KANSL1L: variants seen among roughly 807,000 people sequenced by gnomAD.
The protein encoded by KANSL1L is KAT8 regulatory NSL complex subunit 1-like protein.
A neutral mutation model predicts 108.6 loss-of-function variants in KANSL1L; 25 were observed. That is an observed-to-expected ratio of 0.23 (90% CI 0.17 to 0.32). The LOEUF (loss-of-function observed/expected upper bound fraction) is 0.32, where lower values mean the gene tolerates loss of function less well. Ranked by LOEUF, KANSL1L falls within the 10% of genes least tolerant of loss-of-function variation. The pLI, the probability that KANSL1L is intolerant of heterozygous loss-of-function variation, is 1.00. For synonymous variants in KANSL1L, 405 were observed against 395.1 expected (o/e 1.03, Z -0.30); for missense variants, 1,137 against 1,125.7 (o/e 1.01, Z -0.14).
At chr2:210,147,722 T>G (rs577008999) in intron 2 of KANSL1L, among the ~76,000 whole-genome samples, 1 of 152,260 alleles carries the variant, frequency 6.6e-6, no homozygotes, top group Admixed American at 6.5e-5. Flanking sequence ...ACCTGCAAAC[T>G]CCACATTATA....
intron 6 of KANSL1L, among the ~76,000 whole-genome samples, chr2:210,071,886 A>C (rs1559533370): frequency 6.6e-6 from 1 of 152,208 alleles, no homozygotes; most frequent in Non-Finnish European, 1.5e-5. Flanking sequence ...TTTTGGTTGC[A>C]CATGGCTGGT....
At chr2:210,159,868 T>C (rs1186708998) in intron 1 of KANSL1L, among the ~76,000 whole-genome samples, 4 of 152,040 alleles carry the variant, frequency 2.6e-5, no homozygotes, top group Non-Finnish European at 5.9e-5. Flanking sequence ...ACCCCGTCTC[T>C]ACTAAAAATA....
chr2:210,115,684 C>T (rs2094947117), intron 3 of KANSL1L, among the ~76,000 whole-genome samples: 1 of 152,196 alleles, frequency 6.6e-6, no homozygotes, highest in Non-Finnish European at 1.5e-5. Context: ...TTCATATTAA[C>T]TCCCCCTGAA....
At position 210,062,406 on chromosome 2, in the gene KANSL1L, G is replaced by A. The variant is rs144189838; in HGVS notation, c.1755+13146C>T. 2.4e-3 allele frequency among the ~76,000 whole-genome samples: 360 copies of A among 152,284 alleles called. 11 individuals carry two copies. The highest frequency in any genetic ancestry group is 0.022 in the Admixed American group (330 of 15,294). ...GAAAACGGATTAATACAGTAAATTGGTATCAATAGAGTAGAGCGCTGCTTA... is the reference window on the plus strand; with the variant it reads ...GAAAACGGATTAATACAGTAAATTGATATCAATAGAGTAGAGCGCTGCTTA... On this transcript the variant is annotated intron_variant, in intron 6 of 14. Coordinates refer to ENST00000281772, the MANE Select transcript of KANSL1L (RefSeq NM_152519.4).
rs201870587 is a variant in KANSL1L at position 210,054,499 on chromosome 2, C to CA, written c.1756-10396dup. On this transcript the variant is annotated intron_variant, in intron 6 of 14. Transcript: ENST00000281772. ...TTCAATTCTATTGAGGGCAATTTGG[C>CA]AAAAAAAATTAAAATTTATAAATGT... Among the ~76,000 whole-genome samples the CA allele has an allele frequency of 4.1e-3, 618 of 151,424 alleles. 3 individuals carry two copies. Among genetic ancestry groups the CA allele is most frequent in the African/African-American group, 0.014 (592 of 41,244 alleles).
intron 3 of KANSL1L, among the ~76,000 whole-genome samples, chr2:210,109,492 A>G (rs1393675726): frequency 2.0e-5 from 3 of 152,306 alleles, no homozygotes; most frequent in African/African-American, 7.2e-5. Context: ...CAAGGTTACA[A>G]ATAAATATTT....
chr2:210,150,970 G>C (rs1294181191), intron 2 of KANSL1L, among the ~76,000 whole-genome samples: 1 of 151,934 alleles, frequency 6.6e-6, no homozygotes, highest in Non-Finnish European at 1.5e-5. Context: ...TCAATGAAGA[G>C]ACTACTAATG....
chr2:210,047,513 T>C (rs1346478679), intron 6 of KANSL1L, among the ~76,000 whole-genome samples: 1 of 152,264 alleles, frequency 6.6e-6, no homozygotes, highest in Non-Finnish European at 1.5e-5. Flanking sequence ...TCCAATAACA[T>C]GTTCCTCATT....
rs2093880282 is a variant in KANSL1L, at chr2:210,022,928, G to T, written c.*21C>A. 1 of 1,535,058 alleles carries T rather than the reference G, an allele frequency of 6.5e-7. No individual in the cohort carries two copies. The highest frequency in any genetic ancestry group is 2.2e-5 in the East Asian group (1 of 44,456). Reference sequence around the variant, plus strand: ...CTCCCATCTTTCCTACATTTACATAGTTTTCTTAACCTGTTCCCTGTCACC... The same window carrying T: ...CTCCCATCTTTCCTACATTTACATATTTTTCTTAACCTGTTCCCTGTCACC... On this transcript the variant is annotated 3_prime_UTR_variant, in exon 15 of 15. Transcript: ENST00000281772.
intron 3 of KANSL1L, 137 bp from the exon 4 acceptor site, chr2:210,104,438 T>G (rs886703595): frequency 1.6e-6 from 1 of 634,386 alleles, no homozygotes; most frequent in Admixed American, 2.9e-5. Flanking sequence ...AGTTTAACTC[T>G]GTAAAGAACT....
intron 4 of KANSL1L, among the ~76,000 whole-genome samples, chr2:210,103,516 A>G (rs1411940070): frequency 6.6e-6 from 1 of 152,224 alleles, no homozygotes; most frequent in East Asian, 1.9e-4. Flanking sequence ...AAGAGCCACT[A>G]AAGTCTAAAT....
intron 1 of KANSL1L, among the ~76,000 whole-genome samples, chr2:210,165,039 G>C (rs1008484999): frequency 6.6e-6 from 1 of 151,126 alleles, no homozygotes; most frequent in African/African-American, 2.4e-5. Context: ...CTAATTTTTT[G>C]TATCTTTAGT....
intron 8 of KANSL1L, among the ~76,000 whole-genome samples, chr2:210,031,928 C>T (rs549381719): frequency 1.3e-5 from 2 of 152,122 alleles, no homozygotes; most frequent in African/African-American, 2.4e-5. Context: ...CTAGACTGTG[C>T]GAGCAAGAAC....
At chr2:210,103,224 A>G (rs2094812440) in intron 4 of KANSL1L, among the ~76,000 whole-genome samples, 1 of 151,424 alleles carries the variant, frequency 6.6e-6, no homozygotes, top group African/African-American at 2.4e-5. Context: ...AGGACGAAAA[A>G]CCAAACACCG....
chr2:210,098,251 T>A, intron 4 of KANSL1L, 44 bp from the exon 5 acceptor site: 1 of 1,593,422 alleles, frequency 6.3e-7, no homozygotes, highest in East Asian at 2.3e-5. Flanking sequence ...AAGCAAGAAA[T>A]GTGAGTTAAA....
intron 6 of KANSL1L, among the ~76,000 whole-genome samples, chr2:210,053,788 AAAAC>A (rs1189531109): frequency 6.6e-6 from 1 of 152,100 alleles, no homozygotes; most frequent in Non-Finnish European, 1.5e-5. Context: ...AAAGTCATAA[AAAAC>A]AAAGGGCAAA....
At chr2:210,120,447 CAA>C (rs1229376444) in intron 3 of KANSL1L, among the ~76,000 whole-genome samples, 2 of 152,008 alleles carry the variant, frequency 1.3e-5, no homozygotes, top group African/African-American at 4.8e-5. Flanking sequence ...TAGCCATATG[CAA>C]AGATTGAAAC....
intron 2 of KANSL1L, among the ~76,000 whole-genome samples, chr2:210,144,806 CA>C (rs1370915085): frequency 6.6e-6 from 1 of 152,180 alleles, no homozygotes; most frequent in Non-Finnish European, 1.5e-5. Context: ...CCAAGATATT[CA>C]TAGATCTTCT....
intron 5 of KANSL1L, among the ~76,000 whole-genome samples, chr2:210,089,613 T>C (rs1039408589): frequency 3.3e-5 from 5 of 152,128 alleles, no homozygotes; most frequent in African/African-American, 7.2e-5. Context: ...AAAAGTTGTG[T>C]ATTCTCATAA....
Sources: allele counts gnomAD v4.1 joint callset (sites outside exome capture counted in the v4.1 genomes callset), GRCh38; gene constraint gnomAD v4.1.1; transcripts MANE v1.5; gene names NCBI Gene and HGNC (gene_info 2026-07-23, HGNC 2026-07-21).